The following CIRSR variants were observed in gnomAD, a reference collection of about 807,000 sequenced individuals.
CIRSR encodes CBF1 (RBPJ) interacting corepressor 1.
chr2:174,352,417 G>C, the CIRSR span, among the ~76,000 whole-genome samples: 1 of 152,068 alleles, frequency 6.6e-6, no homozygotes, highest in Non-Finnish European at 1.5e-5. Flanking sequence ...ACTGAAAAGT[G>C]AGCTTTTTGT....
the CIRSR span, chr2:174,349,323 T>C: frequency 5.8e-6 from 3 of 517,936 alleles, no homozygotes; most frequent in Non-Finnish European, 9.7e-6. Context: ...TCCCAGCACT[T>C]TGGGAGGCCA....
At chr2:174,387,532 G>T in the CIRSR span, 1 of 716,900 alleles carries the variant, frequency 1.4e-6, no homozygotes, top group Non-Finnish European at 2.1e-6. Flanking sequence ...TCATCTACAG[G>T]TATGAGAGTA....
the CIRSR span, chr2:174,358,662 CA>C: frequency 2.6e-5 from 4 of 152,604 alleles, no homozygotes; most frequent in Admixed American, 1.3e-4. Flanking sequence ...TACAAGACTA[CA>C]AAAAATCATT....
chr2:174,348,883 A>G, the CIRSR span: 6 of 1,614,204 alleles, frequency 3.7e-6, no homozygotes, highest in East Asian at 1.1e-4. Context: ...TGACTGCTAG[A>G]AAGTTCTTCA....
the CIRSR span, among the ~76,000 whole-genome samples, chr2:174,363,503 C>A: frequency 1.3e-5 from 2 of 152,318 alleles, no homozygotes; most frequent in East Asian, 1.9e-4. Context: ...ACCTGATACA[C>A]CATGTCCAGC....
At chr2:174,383,376 A>T in the CIRSR span, among the ~76,000 whole-genome samples, 3 of 152,252 alleles carry the variant, frequency 2.0e-5, no homozygotes, top group African/African-American at 7.2e-5. Context: ...TAAAAACAAC[A>T]AACACTTTAA....
the CIRSR span, chr2:174,348,506 T>C: frequency 6.2e-7 from 1 of 1,603,430 alleles, no homozygotes; most frequent in Non-Finnish European, 8.5e-7. Context: ...TTCATTCTCT[T>C]TGTGTCACTT....
chr2:174,360,572 T>C, the CIRSR span, among the ~76,000 whole-genome samples: 5 of 152,192 alleles, frequency 3.3e-5, no homozygotes, highest in South Asian at 2.1e-4. Context: ...TTGAAGCTGA[T>C]AGACCTTGAG....
At chr2:174,380,088 T>C in the CIRSR span, 6 of 643,068 alleles carry the variant, frequency 9.3e-6, no homozygotes, top group East Asian at 1.2e-4. Flanking sequence ...TATTATCTGA[T>C]ACAAATAAAA....
At chr2:174,387,902 T>C in the CIRSR span, 1 of 750,772 alleles carries the variant, frequency 1.3e-6, no homozygotes, top group Non-Finnish European at 2.0e-6. Context: ...ATCTTTTGGC[T>C]TCCCTGGGCC....
At chr2:174,387,077 G>C in the CIRSR span, among the ~76,000 whole-genome samples, 1 of 152,108 alleles carries the variant, frequency 6.6e-6, no homozygotes, top group Non-Finnish European at 1.5e-5. Flanking sequence ...ATATTTTAAA[G>C]AGTAGTAATA....
chr2:174,379,320 G>A, the CIRSR span, among the ~76,000 whole-genome samples: 1 of 152,118 alleles, frequency 6.6e-6, no homozygotes, highest in Admixed American at 6.5e-5. Context: ...AAGAATTAGG[G>A]CGTTATGTGA....
the CIRSR span, among the ~76,000 whole-genome samples, chr2:174,353,847 A>G: frequency 6.6e-6 from 1 of 152,168 alleles, no homozygotes; most frequent in Non-Finnish European, 1.5e-5. Flanking sequence ...AATTTTATAA[A>G]GTAGAAAATG....
At chr2:174,362,607 C>A in the CIRSR span, among the ~76,000 whole-genome samples, 1 of 135,906 alleles carries the variant, frequency 7.4e-6, no homozygotes, top group Non-Finnish European at 1.5e-5. Flanking sequence ...GGCATGAACC[C>A]GGGAGGGAGG....
At chr2:174,368,829 G>C in the CIRSR span, among the ~76,000 whole-genome samples, 1 of 152,186 alleles carries the variant, frequency 6.6e-6, no homozygotes, top group African/African-American at 2.4e-5. Flanking sequence ...TCAACAATGG[G>C]CTTAAAATCT....
the CIRSR span, among the ~76,000 whole-genome samples, chr2:174,369,676 A>G: frequency 2.0e-5 from 3 of 152,226 alleles, no homozygotes; most frequent in Non-Finnish European, 1.5e-5. Context: ...CCTAAATTCA[A>G]TATCATTGTG....
the CIRSR span, chr2:174,350,891 T>G: frequency 3.3e-6 from 2 of 610,842 alleles, no homozygotes; most frequent in African/African-American, 3.8e-5. Context: ...GGGAGAGAAT[T>G]AAAAAATTTT....
At chr2:174,365,046 C>T in the CIRSR span, among the ~76,000 whole-genome samples, 21 of 152,290 alleles carry the variant, frequency 1.4e-4, no homozygotes, top group East Asian at 4.1e-3. Flanking sequence ...CTTTCATGCT[C>T]TGCTTCCCTT....
the CIRSR span, among the ~76,000 whole-genome samples, chr2:174,394,420 C>T: frequency 6.6e-6 from 1 of 152,132 alleles, no homozygotes; most frequent in African/African-American, 2.4e-5. Context: ...GTTGCAACCA[C>T]ACAAACACAA....
Sources: allele counts gnomAD v4.1 joint callset (sites outside exome capture counted in the v4.1 genomes callset), GRCh38; gene constraint gnomAD v4.1.1; transcripts MANE v1.5; gene names NCBI Gene and HGNC (gene_info 2026-07-23, HGNC 2026-07-21).